CDC40: variants seen among roughly 807,000 people sequenced by gnomAD.
CDC40 encodes the protein cell division cycle 40, also known as pre-mRNA-processing factor 17.
Under a neutral mutation model 80.6 loss-of-function variants are expected in CDC40, and 27 were observed. The observed-to-expected ratio is 0.33, with a 90% CI of 0.25 to 0.46. The LOEUF is 0.46. CDC40 is among the 20% of genes least tolerant of loss of function. CDC40 has a pLI of 1.00. For synonymous variants in CDC40, 221 were observed against 232.6 expected (o/e 0.95, Z 0.45); for missense variants, 486 against 694.1 (o/e 0.70, Z 3.37).
intron 3 of CDC40, among the ~76,000 whole-genome samples, chr6:110,201,945 C>T (rs1338326701): frequency 2.6e-5 from 4 of 152,090 alleles, no homozygotes. Context: ...TCTTTGTTGT[C>T]GTACTAGGTA....
intron 2 of CDC40, among the ~76,000 whole-genome samples, chr6:110,194,089 C>T (rs1584064544): frequency 6.6e-6 from 1 of 151,978 alleles, no homozygotes; most frequent in South Asian, 2.1e-4. Context: ...TGAAAAAAAC[C>T]AGAAACCGCA....
At chr6:110,200,369 G>A (rs1451717426) in intron 2 of CDC40, among the ~76,000 whole-genome samples, 1 of 152,154 alleles carries the variant, frequency 6.6e-6, no homozygotes, top group Non-Finnish European at 1.5e-5. Flanking sequence ...ATGTATCGTA[G>A]AAGAGATGGT....
At chr6:110,205,016 T>C (rs1471098177) in intron 3 of CDC40, among the ~76,000 whole-genome samples, 1 of 152,188 alleles carries the variant, frequency 6.6e-6, no homozygotes, top group East Asian at 1.9e-4. Flanking sequence ...TTTGTTTACT[T>C]GATAATCAAA....
At chr6:110,225,932 T>C (rs567221433) in intron 12 of CDC40, among the ~76,000 whole-genome samples, 3 of 152,254 alleles carry the variant, frequency 2.0e-5, no homozygotes, top group Non-Finnish European at 2.9e-5. Flanking sequence ...GAAAACAAAA[T>C]CACCACCACT....
chr6:110,213,772 A>C (rs1014295304), intron 8 of CDC40, among the ~76,000 whole-genome samples: 2 of 152,202 alleles, frequency 1.3e-5, no homozygotes, highest in South Asian at 4.1e-4. Flanking sequence ...GTAGACACCA[A>C]GTAACTGGAC....
rs988487920 is a variant in CDC40, at chr6:110,231,965, G to C, written c.*1834G>C. On this transcript the variant is annotated 3_prime_UTR_variant, in exon 15 of 15. Transcript: ENST00000307731. ...AGAAGGGTGACAGATTTCTGAAGGGGAAAGGATTCAGATATGACCTTTTCT... is the reference window on the plus strand; with the variant it reads ...AGAAGGGTGACAGATTTCTGAAGGGCAAAGGATTCAGATATGACCTTTTCT... The C allele has an allele frequency of 2.7e-5, 4 of 146,042 alleles. No homozygotes were observed. The highest frequency in any genetic ancestry group is 6.9e-5 in the Admixed American group (1 of 14,392). The allele number at this position is 146,042 out of a possible 1,614,324, so 9.0% of individuals were successfully genotyped here. A position where few individuals can be genotyped will look rare whatever the true frequency, so the allele number is the denominator to read the frequency against.
chr6:110,196,267 C>A (rs1777418156), intron 2 of CDC40, among the ~76,000 whole-genome samples: 1 of 152,122 alleles, frequency 6.6e-6, no homozygotes, highest in South Asian at 2.1e-4. Context: ...AACCCCTATG[C>A]CTTTGACTTT....
intron 1 of CDC40, among the ~76,000 whole-genome samples, chr6:110,188,569 C>T (rs1248366105): frequency 6.6e-6 from 1 of 152,194 alleles, no homozygotes; most frequent in Non-Finnish European, 1.5e-5. Context: ...CACCCATCTT[C>T]AGAAGCTGAA....
At chr6:110,204,867 T>G (rs1777543202) in intron 3 of CDC40, among the ~76,000 whole-genome samples, 1 of 151,986 alleles carries the variant, frequency 6.6e-6, no homozygotes, top group South Asian at 2.1e-4. Flanking sequence ...GGTTTTACCA[T>G]ATTGGCCAGA....
At position 110,199,426 on chromosome 6, in the gene CDC40, C is replaced by CTACAAAAAA. The variant is rs541694649; in HGVS notation, c.277-2121_277-2113dup. 4.4e-3 allele frequency among the ~76,000 whole-genome samples: 663 copies of CTACAAAAAA among 151,934 alleles called. 3 individuals are homozygous for CTACAAAAAA. Among genetic ancestry groups the CTACAAAAAA allele is most frequent in the African/African-American group, 0.015 (624 of 41,426 alleles). ...TGGATAACACAGTGAAACCCCGTCT[C>CTACAAAAAA]TACAAAAAATACAAAAAATTAGCCG... is the stretch of plus-strand genomic sequence containing the variant. On this transcript the variant is annotated intron_variant, in intron 2 of 14. Transcript: ENST00000307731.
intron 1 of CDC40, among the ~76,000 whole-genome samples, chr6:110,186,255 T>C (rs1167268903): frequency 1.3e-5 from 2 of 152,168 alleles, no homozygotes; most frequent in African/African-American, 2.4e-5. Context: ...TAAAAAGTTT[T>C]GGCTGGGCGA....
chr6:110,199,957 C>T (rs1254312005), intron 2 of CDC40, among the ~76,000 whole-genome samples: 2 of 151,976 alleles, frequency 1.3e-5, no homozygotes, highest in Middle Eastern at 3.2e-3. Flanking sequence ...TATGGCTGTT[C>T]CTGTTTTTGT....
In CDC40 at chr6:110,220,443, C is replaced by CT. The variant is rs57659156; in HGVS notation, c.1340+598dup. Among the ~76,000 whole-genome samples the CT allele has an allele frequency of 9.4e-3, 570 of 60,576 alleles. 10 individuals carry two copies. The highest frequency in any genetic ancestry group is 0.013 in the African/African-American group (203 of 16,042). The allele number at this position is 60,576 out of a possible 152,430, so 39.7% of individuals were successfully genotyped here. A position where few individuals can be genotyped will look rare whatever the true frequency, so the allele number is the denominator to read the frequency against. ...CAATCATTGATGAAGGAGAAAGGCA[C>CT]TTTTTTTTTTTTTTTTTTTTTTTTG... On this transcript the variant is annotated intron_variant, in intron 12 of 14. Transcript: ENST00000307731.
At chr6:110,223,552 C>T (rs1453792143) in intron 12 of CDC40, among the ~76,000 whole-genome samples, 1 of 152,154 alleles carries the variant, frequency 6.6e-6, no homozygotes, top group African/African-American at 2.4e-5. Context: ...ATACTGGCCA[C>T]TTGCTTAGGA....
chr6:110,205,692 G>A (rs775555721), intron 3 of CDC40, among the ~76,000 whole-genome samples: 4 of 152,100 alleles, frequency 2.6e-5, no homozygotes, highest in Non-Finnish European at 4.4e-5. Context: ...CCTTCCAGAC[G>A]CGTCATGAAA....
intron 10 of CDC40, among the ~76,000 whole-genome samples, chr6:110,218,057 G>A (rs1481382368): frequency 6.6e-6 from 1 of 152,192 alleles, no homozygotes; most frequent in Non-Finnish European, 1.5e-5. Context: ...TGGAAATCTT[G>A]TATAGGCCAT....
At chr6:110,206,061 C>T (rs1441722310) in intron 3 of CDC40, among the ~76,000 whole-genome samples, 1 of 152,188 alleles carries the variant, frequency 6.6e-6, no homozygotes, top group Non-Finnish European at 1.5e-5. Flanking sequence ...TCAGCACTTA[C>T]ATCCTTAGCT....
chr6:110,212,041 A>G (rs1562204855), intron 6 of CDC40, 92 bp from the exon 7 acceptor site: 3 of 1,051,810 alleles, frequency 2.9e-6, no homozygotes, highest in Non-Finnish European at 4.3e-6. Context: ...ATGGAATGAT[A>G]TACCTGTGAA....
chr6:110,220,443 CTTTTTTTT>C (rs57659156), intron 12 of CDC40, among the ~76,000 whole-genome samples: 4 of 60,766 alleles, frequency 6.6e-5, no homozygotes, highest in Admixed American at 2.1e-4. Context: ...GAGAAAGGCA[CTTTTTTTT>C]TTTTTTTTTT....
Sources: allele counts gnomAD v4.1 joint callset (sites outside exome capture counted in the v4.1 genomes callset), GRCh38; gene constraint gnomAD v4.1.1; transcripts MANE v1.5; gene names NCBI Gene and HGNC (gene_info 2026-07-23, HGNC 2026-07-21).